GXYLT2: variants seen among roughly 807,000 people sequenced by gnomAD.
The protein encoded by GXYLT2 is glycosyltransferase 8 domain containing 4.
In GXYLT2, 53 loss-of-function variants were observed where a neutral mutation model predicts 45.8. That is an observed-to-expected ratio of 1.16 (90% confidence interval 0.93 to 1.46). The LOEUF is 1.46. Among genes scored for constraint, GXYLT2 ranks in the 40% most tolerant of loss-of-function variants. The pLI is 0.00. For synonymous variants in GXYLT2, 219 were observed against 214.2 expected (o/e 1.02, Z -0.19); for missense variants, 551 against 544.4 (o/e 1.01, Z -0.12).
chr3:72,947,143 A>G lies in GXYLT2; in HGVS notation c.601-7955A>G, dbSNP rs75948621. On this transcript the variant is annotated intron_variant, in intron 3 of 6. Coordinates refer to ENST00000389617, the MANE Select transcript of GXYLT2 (RefSeq NM_001080393.2). ...CCCGATGAGCTACCACACCTGGCCT[A>G]TTGTTTCAATTTTGTGTTTTCTTTC... 3.3e-3 allele frequency among the ~76,000 whole-genome samples: 505 copies of G among 152,152 alleles called. 3 individuals are homozygous for G. The highest frequency in any genetic ancestry group is 0.011 in the African/African-American group (465 of 41,516).
rs757455652 is a variant in GXYLT2, at chr3:72,955,346, C to T, written c.849C>T (p.Phe283=). 1.2e-6 allele frequency: 2 copies of T among 1,613,302 alleles called. No individual in the cohort carries two copies. The highest frequency in any genetic ancestry group is 1.7e-6 in the Non-Finnish European group (2 of 1,179,436). Residue 283 remains phenylalanine, a synonymous_variant, in exon 4 of 7, where the codon TTC becomes TTT. Transcript: ENST00000389617. ...MNLTRIRSTQ[F]KNSMIPTGLA... is the part of the protein sequence containing the mutation. ...TAACTCGGATAAGAAGTACCCAGTT[C>T]AAGGTAAACGAGTGCTTTAAAATTC...
chr3:72,906,835 G>T (rs765545056), intron 1 of GXYLT2, among the ~76,000 whole-genome samples: 1 of 152,218 alleles, frequency 6.6e-6, no homozygotes, highest in African/African-American at 2.4e-5. Flanking sequence ...CTCCAGGTTG[G>T]AGTGCTGTGG....
rs1289110929 is a variant in GXYLT2, at chr3:72,888,112, C to G, written c.-122C>G. ...CGGCCGCCCGCCGGCCGCCACGACCCCAGTCCCCGGCGGGCGGGCGGAGGA... is the reference window on the plus strand; with the variant it reads ...CGGCCGCCCGCCGGCCGCCACGACCGCAGTCCCCGGCGGGCGGGCGGAGGA... On this transcript the variant is annotated 5_prime_UTR_variant, in exon 1 of 7. Transcript: ENST00000389617. 1.1e-5 allele frequency: 7 copies of G among 616,286 alleles called. No homozygotes were observed. In the African/African-American group the frequency reaches 1.4e-4, roughly 13 times the overall value. The allele number at this position is 616,286 out of a possible 1,614,324, so 38.2% of individuals were successfully genotyped here.
intron 3 of GXYLT2, among the ~76,000 whole-genome samples, chr3:72,946,228 G>A (rs1448956318): frequency 7.8e-6 from 1 of 127,586 alleles, no homozygotes; most frequent in Non-Finnish European, 1.6e-5. Flanking sequence ...AGTGAGCCAC[G>A]ATTGTGACAC....
At chr3:72,934,699 T>A (rs1211516843) in intron 3 of GXYLT2, among the ~76,000 whole-genome samples, 8 of 152,176 alleles carry the variant, frequency 5.3e-5, no homozygotes, top group Non-Finnish European at 1.2e-4. Flanking sequence ...TATTGGAAAT[T>A]CAGTTTCTAA....
At chr3:72,969,909 G>GGAAA (rs1553711696) in intron 6 of GXYLT2, among the ~76,000 whole-genome samples, 15 of 103,466 alleles carry the variant, frequency 1.4e-4, no homozygotes, top group African/African-American at 3.0e-4. Context: ...ATGTGCATTT[G>GGAAA]AAAAAAAAAA....
chr3:72,933,426 A>G (rs1710082588), intron 3 of GXYLT2, among the ~76,000 whole-genome samples: 1 of 152,198 alleles, frequency 6.6e-6, no homozygotes, highest in South Asian at 2.1e-4. Context: ...GAGTCATTAT[A>G]TTTCTTACGA....
intron 5 of GXYLT2, among the ~76,000 whole-genome samples, chr3:72,963,556 G>T (rs1159307456): frequency 1.3e-5 from 2 of 150,934 alleles, no homozygotes; most frequent in Non-Finnish European, 2.9e-5. Flanking sequence ...AGGCTGGAGT[G>T]CAGTGGCACA....
At chr3:72,920,179 G>T (rs35737315) in intron 2 of GXYLT2, among the ~76,000 whole-genome samples, 3 of 151,796 alleles carry the variant, frequency 2.0e-5, no homozygotes, top group Admixed American at 2.0e-4. Flanking sequence ...CTGTCACCCA[G>T]GCTGGAGTGC....
chr3:72,955,466 T>G (rs1001022529), intron 4 of GXYLT2, 117 bp downstream of exon 4: 2 of 815,086 alleles, frequency 2.5e-6, no homozygotes. Flanking sequence ...TAGGTGAGGA[T>G]AAAAGGAACC....
chr3:72,956,657 G>A (rs1710654447), intron 4 of GXYLT2, among the ~76,000 whole-genome samples: 1 of 152,120 alleles, frequency 6.6e-6, no homozygotes, highest in Non-Finnish European at 1.5e-5. Flanking sequence ...CACTTTGGGA[G>A]GGAGGTGGGT....
At chr3:72,891,902 A>AT (rs113535399) in intron 1 of GXYLT2, among the ~76,000 whole-genome samples, 288 of 148,882 alleles carry the variant, frequency 1.9e-3, no homozygotes, top group African/African-American at 4.6e-3. Flanking sequence ...ATCAAGAGAG[A>AT]TTTTTTTTTT....
At chr3:72,968,993 C>A (rs987107795) in intron 6 of GXYLT2, among the ~76,000 whole-genome samples, 1 of 151,918 alleles carries the variant, frequency 6.6e-6, no homozygotes, top group South Asian at 2.1e-4. Flanking sequence ...ATGGCATGAA[C>A]CCAGGAGGCG....
chr3:72,945,667 G>A (rs757922629), intron 3 of GXYLT2, among the ~76,000 whole-genome samples: 11 of 152,178 alleles, frequency 7.2e-5, no homozygotes, highest in Non-Finnish European at 1.5e-4. Flanking sequence ...TGAGTGAAGT[G>A]CTCTGCCTGG....
rs910757716 is a variant in GXYLT2, at chr3:72,895,587, A to T, written c.275+7079A>T. ...CTTAGGAATACTTCATTTATAATTCACTGTAAAGAAAAAAAAGACAAAATT... is the reference window on the plus strand; with the variant it reads ...CTTAGGAATACTTCATTTATAATTCTCTGTAAAGAAAAAAAAGACAAAATT... On this transcript the variant is annotated intron_variant, in intron 1 of 6. Coordinates refer to ENST00000389617, the MANE Select transcript of GXYLT2 (RefSeq NM_001080393.2). Among the ~76,000 whole-genome samples, 6 of 152,152 alleles carry T rather than the reference A, an allele frequency of 3.9e-5. 1 individual carries two copies. Among genetic ancestry groups the T allele is most frequent in the African/African-American group, 1.4e-4 (6 of 41,428 alleles).
chr3:72,945,866 A>G (rs1451578936), intron 3 of GXYLT2, among the ~76,000 whole-genome samples: 1 of 152,200 alleles, frequency 6.6e-6, no homozygotes, highest in Non-Finnish European at 1.5e-5. Flanking sequence ...CACAGTTTTA[A>G]TACTGCACTA....
chr3:72,915,325 C>G (rs1030340068), intron 2 of GXYLT2, among the ~76,000 whole-genome samples: 1 of 115,154 alleles, frequency 8.7e-6, no homozygotes, highest in Non-Finnish European at 1.6e-5. Context: ...CATGCCTCTT[C>G]GTTACCCATT....
intron 6 of GXYLT2, among the ~76,000 whole-genome samples, chr3:72,969,127 G>T (rs1391349314): frequency 6.6e-6 from 1 of 152,000 alleles, no homozygotes; most frequent in Non-Finnish European, 1.5e-5. Context: ...GATGGGAAAA[G>T]AGAGGAGAAA....
At chr3:72,889,560 A>T (rs902094492) in intron 1 of GXYLT2, among the ~76,000 whole-genome samples, 1 of 152,150 alleles carries the variant, frequency 6.6e-6, no homozygotes, top group East Asian at 1.9e-4. Flanking sequence ...AACCCCAACA[A>T]TCTGTCGCTT....
Sources: gnomAD v4.1 joint callset for allele counts (sites outside exome capture counted in the v4.1 genomes callset) on GRCh38, gnomAD v4.1.1 for gene constraint, MANE v1.5 for transcripts, NCBI Gene and HGNC (gene_info 2026-07-23, HGNC 2026-07-21) for gene names.